The following DYSF variants were observed in gnomAD, a reference collection of about 807,000 sequenced individuals.
DYSF encodes dysferlin.
Under a neutral mutation model 274.9 loss-of-function variants are expected in DYSF, and 212 were observed. The ratio of observed to expected loss-of-function variants is 0.77; its 90% CI spans 0.69 to 0.86. The LOEUF (loss-of-function observed/expected upper bound fraction) is 0.86, where lower values mean the gene tolerates loss of function less well. Ranked by LOEUF, DYSF falls within the 40% of genes least tolerant of loss-of-function variation. DYSF has a pLI of 0.00. For synonymous variants in DYSF, 1,091 were observed against 1,078.7 expected, an observed-to-expected ratio of 1.01 and a Z score of -0.22; for missense variants, 2,666 against 2,783.2, an observed-to-expected ratio of 0.96 and a Z score of 0.95.
intron 17 of DYSF, among the ~76,000 whole-genome samples, chr2:71,540,495 C>T (rs1039404546): frequency 6.6e-6 from 1 of 152,020 alleles, no homozygotes; most frequent in Admixed American, 6.6e-5. Context: ...CATCATGCCC[C>T]TAGGCTTATT....
intron 1 of DYSF, among the ~76,000 whole-genome samples, chr2:71,469,762 AATTC>A (rs1404247134): frequency 1.3e-5 from 2 of 152,206 alleles, no homozygotes; most frequent in African/African-American, 4.8e-5. Context: ...TCTATTAATT[AATTC>A]ATTAACTAAA....
chr2:71,644,734 A>G (rs1222030260), intron 42 of DYSF, among the ~76,000 whole-genome samples: 2 of 152,262 alleles, frequency 1.3e-5, no homozygotes, highest in African/African-American at 4.8e-5. Flanking sequence ...GAAGATAATC[A>G]GAGGTGACTC....
intron 32 of DYSF, among the ~76,000 whole-genome samples, chr2:71,594,827 T>C (rs1355791711): frequency 6.6e-6 from 1 of 152,186 alleles, no homozygotes; most frequent in Non-Finnish European, 1.5e-5. Flanking sequence ...CATCAGGTGC[T>C]CCTCACCCCT....
chr2:71,539,293 C>T (rs1034506130), intron 17 of DYSF, 54 bp downstream of exon 17: 2 of 1,483,424 alleles, frequency 1.3e-6, no homozygotes, highest in Non-Finnish European at 1.9e-6. Flanking sequence ...CCCCGTACCC[C>T]CTCTATCCAG....
chr2:71,571,305 T>C (rs114538823), intron 29 of DYSF, among the ~76,000 whole-genome samples: 6,748 of 75,104 alleles, frequency 0.09, 398 homozygotes, highest in African/African-American at 0.25. Flanking sequence ...ACACACAGAT[T>C]ACACCTAGCA....
rs1438255056 is a variant in DYSF, at chr2:71,571,029, CACACA to C, written c.3228+289_3228+293del. 13 of 445,446 alleles carry C rather than the reference CACACA, an allele frequency of 2.9e-5. No individual in the cohort carries two copies. The African/African-American group carries it at 3.4e-4, about 12-fold the overall frequency. 27.6% of individuals were successfully genotyped at this position (445,446 alleles called of 1,614,324 possible). ...ACACCCACAGATCACACTCAGCACA[CACACA>C]GATTACACCCAGCACACACACAGAT... On this transcript the variant is annotated intron_variant, in intron 29 of 55. Transcript: ENST00000410020.
chr2:71,628,531 T>G (rs973213181), intron 41 of DYSF, among the ~76,000 whole-genome samples: 5 of 152,224 alleles, frequency 3.3e-5, no homozygotes, highest in Non-Finnish European at 7.3e-5. Context: ...GAAAATATTT[T>G]TTTCACCCTT....
intron 10 of DYSF, among the ~76,000 whole-genome samples, chr2:71,519,029 G>A (rs1215361237): frequency 1.4e-5 from 2 of 139,770 alleles, no homozygotes; most frequent in Non-Finnish European, 3.0e-5. Flanking sequence ...GGTGGCAGAG[G>A]TTGCAGTGAG....
exon 1 of DYSF, chr2:71,453,985 T>C: frequency 6.2e-7 from 1 of 1,613,944 alleles, no homozygotes; most frequent in Non-Finnish European, 8.5e-7. Flanking sequence ...CACGGGGCCC[T>C]ACACGCGCCA....
At chr2:71,543,669 G>C (rs561234242) in intron 17 of DYSF, among the ~76,000 whole-genome samples, 3 of 152,176 alleles carry the variant, frequency 2.0e-5, no homozygotes, top group Non-Finnish European at 2.9e-5. Context: ...AGACCAGCCC[G>C]GCCAACACAG....
intron 12 of DYSF, among the ~76,000 whole-genome samples, 166 bp from the exon 13 acceptor site, chr2:71,526,054 C>T (rs1038240840): frequency 8.5e-5 from 13 of 152,216 alleles, no homozygotes; most frequent in African/African-American, 3.1e-4. Flanking sequence ...AGCTGAGGCT[C>T]AGGTGAAGGA....
In DYSF at chr2:71,681,025, A is replaced by T. The variant is rs1373300087; in HGVS notation, c.6088A>T (p.Ile2030Phe). 2 of 1,613,982 alleles carry T rather than the reference A, an allele frequency of 1.2e-6. No homozygotes were observed. Among genetic ancestry groups the T allele is most frequent in the South Asian group, 2.2e-5 (2 of 91,090 alleles). ...LAGKLEMTLE[I>F]VAESEHEERP... ...GGGCAAGCTGGAAATGACCTTGGAG[A>T]TTGTAGCAGAGAGTGAGCATGAGGA... Residue 2030 changes from isoleucine (I) to phenylalanine (F), a missense_variant, in exon 54 of 56, where the codon ATT becomes TTT. Physicochemically the swap from Ile to Phe is conservative, Grantham distance 21. Around this residue, in one of 3 missense-constraint regions of DYSF, gnomAD observed 1,460 missense variants for 1,502.1 expected, o/e 0.97. Coordinates refer to ENST00000410020, the MANE Select transcript of DYSF (RefSeq NM_001130987.2).
chr2:71,515,629 G>T lies in DYSF; in HGVS notation c.766G>T (p.Val256Phe). The T allele has an allele frequency of 6.2e-7, 1 of 1,613,916 alleles. No homozygotes were observed. Among genetic ancestry groups the T allele is most frequent in the Non-Finnish European group, 8.5e-7 (1 of 1,179,912 alleles). Reference protein sequence around the residue: ...SDKPQDFQIRVQVIEGRQLPG... With the variant: ...SDKPQDFQIRFQVIEGRQLPG... ...TCCTCCTTCTGGCTTTCAGATCAGG[G>T]TCCAGGTGATCGAGGGGCGCCAGCT... The change falls in exon 8 of 56, where the codon GTC becomes TTC. Residue 256 changes from valine (V) to phenylalanine (F), a missense_variant. Val to Phe is a conservative substitution (Grantham distance 50). This residue lies in a region of DYSF where 794 missense variants were observed against 777.1 expected (regional missense o/e 1.02). Coordinates refer to ENST00000410020, the MANE Select transcript of DYSF (RefSeq NM_001130987.2).
chr2:71,667,971 C>T (rs1286141905), intron 48 of DYSF, among the ~76,000 whole-genome samples: 2 of 152,102 alleles, frequency 1.3e-5, no homozygotes, highest in East Asian at 3.9e-4. Flanking sequence ...GAGCAGTCCT[C>T]AGTGGGAGGG....
At chr2:71,575,668 C>G (rs1287922087) in intron 30 of DYSF, among the ~76,000 whole-genome samples, 1 of 152,064 alleles carries the variant, frequency 6.6e-6, no homozygotes, top group Admixed American at 6.5e-5. Flanking sequence ...GTATAAAGAC[C>G]TTGGCAGGCC....
intron 17 of DYSF, among the ~76,000 whole-genome samples, chr2:71,546,498 C>T (rs1033013287): frequency 1.8e-4 from 27 of 152,222 alleles, no homozygotes; most frequent in African/African-American, 5.1e-4. Context: ...TTTGCCTGGG[C>T]GCACTAGAGT....
At chr2:71,532,846 A>ATCTG (rs1406666040) in intron 14 of DYSF, among the ~76,000 whole-genome samples, 2 of 134,148 alleles carry the variant, frequency 1.5e-5, no homozygotes, top group South Asian at 2.3e-4. Flanking sequence ...CTATCTATCT[A>ATCTG]TCTATCTATC....
At chr2:71,684,862 G>A (rs1287104262) in intron 55 of DYSF, among the ~76,000 whole-genome samples, 1 of 152,222 alleles carries the variant, frequency 6.6e-6, no homozygotes, top group African/African-American at 2.4e-5. Flanking sequence ...TGAGGAAGGG[G>A]CTGCACTAGG....
At chr2:71,554,769 G>T (rs1389800331) in intron 21 of DYSF, among the ~76,000 whole-genome samples, 1 of 152,208 alleles carries the variant, frequency 6.6e-6, no homozygotes, top group Non-Finnish European at 1.5e-5. Flanking sequence ...GAGGTGAGGA[G>T]GAGCCTTCTG....
Sources: gnomAD v4.1 joint callset for allele counts (sites outside exome capture counted in the v4.1 genomes callset) on GRCh38, gnomAD v4.1.1 for gene constraint, gnomAD v4.1.1 regional missense constraint, MANE v1.5 for transcripts, NCBI Gene and HGNC (gene_info 2026-07-23, HGNC 2026-07-21) for gene names.